ECD: variants seen among roughly 807,000 people sequenced by gnomAD.
ECD encodes the protein protein ecdysoneless homolog.
In ECD, 59 loss-of-function variants were observed where a neutral mutation model predicts 77.2. The ratio of observed to expected loss-of-function variants is 0.76; its 90% CI spans 0.62 to 0.95. The LOEUF (loss-of-function observed/expected upper bound fraction) is 0.95, where lower values mean the gene tolerates loss of function less well. ECD is among the 40% of genes least tolerant of loss of function. ECD has a pLI of 0.00. For synonymous variants in ECD, 233 were observed against 267.4 expected, an observed-to-expected ratio of 0.87 and a Z score of 1.26; for missense variants, 704 against 763.4, an observed-to-expected ratio of 0.92 and a Z score of 0.92.
chr10:73,142,709 ATT>A (rs1355754029), intron 9 of ECD, among the ~76,000 whole-genome samples: 2 of 151,178 alleles, frequency 1.3e-5, no homozygotes, highest in Non-Finnish European at 2.9e-5. Flanking sequence ...ATCCCAATCC[ATT>A]GTCTTGCTCC....
chr10:73,166,260 A>G (rs575526362), intron 1 of ECD, among the ~76,000 whole-genome samples: 3 of 152,202 alleles, frequency 2.0e-5, no homozygotes, highest in African/African-American at 7.2e-5. Context: ...AATCTTGGCT[A>G]CTGAGAATAG....
At position 73,139,679 on chromosome 10, in the gene ECD, CA is replaced by C; in HGVS notation, c.1185del (p.Phe395LeufsTer3). ...GCTTCTTTCTTAAGGTCTTCTATAT[CA>C]AATGGTATTGTCTGTAATAAGGTTA... ...EILTLLQTIP[F>X]DIEDLKKEAA... On this transcript the variant is annotated frameshift_variant, in exon 10 of 14. Coordinates refer to ENST00000372979, the MANE Select transcript of ECD (RefSeq NM_007265.3). LOFTEE classifies it high-confidence loss of function. The C allele has an allele frequency of 2.5e-6, 4 of 1,612,100 alleles. No individual in the cohort carries two copies. Among genetic ancestry groups the C allele is most frequent in the Non-Finnish European group, 3.4e-6 (4 of 1,179,552 alleles).
intron 5 of ECD, among the ~76,000 whole-genome samples, chr10:73,156,058 T>C (rs1174303491): frequency 6.6e-6 from 1 of 152,216 alleles, no homozygotes; most frequent in Non-Finnish European, 1.5e-5. Flanking sequence ...TTCCTGATTT[T>C]AAAATCTGTA....
At chr10:73,145,894 C>T (rs551421765) in intron 9 of ECD, among the ~76,000 whole-genome samples, 99 of 151,990 alleles carry the variant, frequency 6.5e-4, no homozygotes, top group African/African-American at 1.8e-3. Context: ...CCGCCTGCCT[C>T]GGCCTCCCAA....
At chr10:73,163,294 C>T (rs1205352140) in intron 2 of ECD, among the ~76,000 whole-genome samples, 1 of 152,134 alleles carries the variant, frequency 6.6e-6, no homozygotes, top group Non-Finnish European at 1.5e-5. Context: ...TCTTTATAAG[C>T]TGGGCAGAGC....
intron 12 of ECD, among the ~76,000 whole-genome samples, chr10:73,137,615 A>T (rs1206365017): frequency 6.6e-6 from 1 of 152,090 alleles, no homozygotes; most frequent in African/African-American, 2.4e-5. Flanking sequence ...CTCTACTAAA[A>T]ATACAAAAAA....
At chr10:73,138,124 A>G in intron 11 of ECD, 54 bp from the exon 12 acceptor site, 8 of 1,354,210 alleles carry the variant, frequency 5.9e-6, no homozygotes, top group Non-Finnish European at 7.8e-6. Flanking sequence ...AACTCTTTGA[A>G]ACTTTTCTAA....
rs537974204 is a variant in ECD, at chr10:73,155,594, C to CT, written c.590+680dup. ...TTGTTTGTGCTCCATTAGGTTTCTA[C>CT]TTTTTTTTTTTTTTTTTTTTTTGAG... is the stretch of plus-strand genomic sequence containing the variant. On this transcript the variant is annotated intron_variant, in intron 5 of 13. Coordinates refer to ENST00000372979, the MANE Select transcript of ECD (RefSeq NM_007265.3). 7.7e-3 allele frequency among the ~76,000 whole-genome samples: 956 copies of CT among 124,794 alleles called. 11 individuals carry two copies. The highest frequency in any genetic ancestry group is 0.015 in the African/African-American group (501 of 32,942). 81.9% of individuals were successfully genotyped at this position (124,794 alleles called of 152,430 possible). A position where few individuals can be genotyped will look rare whatever the true frequency, so the allele number is the denominator to read the frequency against.
intron 9 of ECD, among the ~76,000 whole-genome samples, chr10:73,140,672 T>TAAATA (rs774924180): frequency 6.6e-6 from 1 of 151,300 alleles, no homozygotes; most frequent in East Asian, 2.0e-4. Flanking sequence ...TCTCAATAAA[T>TAAATA]AAATAAAATA....
chr10:73,167,110 A>G (rs765944087), intron 1 of ECD, among the ~76,000 whole-genome samples: 1 of 152,164 alleles, frequency 6.6e-6, no homozygotes, highest in Non-Finnish European at 1.5e-5. Context: ...TTTGCTGAAA[A>G]TGAATTCACT....
In ECD at chr10:73,164,605, C is replaced by A. The variant is rs145098039; in HGVS notation, c.-13-655G>T. ...ACCTCAGCCTCCCAAGTAGCTGGGA[C>A]CACAGGTGCATGCCACCATGCCCAG... is the stretch of plus-strand genomic sequence containing the variant. On this transcript the variant is annotated intron_variant, in intron 1 of 13. Transcript: ENST00000372979. Among the ~76,000 whole-genome samples, 942 of 152,030 alleles carry A rather than the reference C, an allele frequency of 6.2e-3. 24 individuals carry two copies. The highest frequency in any genetic ancestry group is 0.048 in the Admixed American group (739 of 15,260).
At chr10:73,159,229 G>A (rs78306439) in intron 3 of ECD, among the ~76,000 whole-genome samples, 7,975 of 152,298 alleles carry the variant, frequency 0.052, 649 homozygotes, top group African/African-American at 0.17. Flanking sequence ...ATAAGTGGGC[G>A]GAACGCCCTC....
At chr10:73,149,373 T>C (rs1056922133) in intron 7 of ECD, among the ~76,000 whole-genome samples, 2 of 152,216 alleles carry the variant, frequency 1.3e-5, no homozygotes, top group African/African-American at 2.4e-5. Flanking sequence ...GAAAGCAATA[T>C]GCATTCAGTA....
At position 73,163,808 on chromosome 10, in the gene ECD, T is replaced by G; in HGVS notation, c.130A>C (p.Thr44Pro). ...GGGACCAGCATAGGTGCAAACCGAGTGATTATTCTCTCAATGTACTTCTGA... is the reference window on the plus strand; with the variant it reads ...GGGACCAGCATAGGTGCAAACCGAGGGATTATTCTCTCAATGTACTTCTGA... ...ILQKYIERII[T>P]RFAPMLVPYI... The change falls in exon 2 of 14, where the codon ACT becomes CCT. Residue 44 changes from threonine to proline, a missense_variant. Physicochemically the swap from Thr to Pro is conservative, Grantham distance 38. Transcript: ENST00000372979. 1 of 1,614,166 alleles carries G rather than the reference T, an allele frequency of 6.2e-7. No homozygotes were observed. Among genetic ancestry groups the G allele is most frequent in the Non-Finnish European group, 8.5e-7 (1 of 1,180,032 alleles).
At chr10:73,142,784 A>G (rs1261373925) in intron 9 of ECD, among the ~76,000 whole-genome samples, 1 of 151,890 alleles carries the variant, frequency 6.6e-6, no homozygotes, top group Non-Finnish European at 1.5e-5. Flanking sequence ...ATGTATATAT[A>G]TTTCTGTTTC....
intron 2 of ECD, among the ~76,000 whole-genome samples, chr10:73,161,036 A>T (rs1247722899): frequency 6.6e-6 from 1 of 152,200 alleles, no homozygotes; most frequent in Non-Finnish European, 1.5e-5. Context: ...ATCACAGGGA[A>T]ATTAGAAAAT....
intron 2 of ECD, among the ~76,000 whole-genome samples, chr10:73,162,234 T>C (rs7092445): frequency 0.16 from 23,949 of 152,112 alleles, 3,147 homozygotes; most frequent in African/African-American, 0.34. Flanking sequence ...AGGCTGTTGT[T>C]GTTTTCCAGA....
intron 3 of ECD, among the ~76,000 whole-genome samples, chr10:73,158,651 G>T (rs2133270742): frequency 6.6e-6 from 1 of 152,108 alleles, no homozygotes; most frequent in South Asian, 2.1e-4. Context: ...TAAGAGAATT[G>T]CTTGAGCCCG....
At chr10:73,168,070 C>G, upstream of ECD, 1 of 515,030 alleles carries the variant, frequency 1.9e-6, no homozygotes, top group East Asian at 3.5e-5. Flanking sequence ...TGTGTCGTCA[C>G]TGCTGTGCGT....
Sources: allele counts gnomAD v4.1 joint callset (sites outside exome capture counted in the v4.1 genomes callset), GRCh38; gene constraint gnomAD v4.1.1; transcripts MANE v1.5; gene names NCBI Gene and HGNC (gene_info 2026-07-23, HGNC 2026-07-21).